The following SLC35D4 variants were observed in gnomAD, a reference collection of about 807,000 sequenced individuals.
SLC35D4 encodes the protein solute carrier family 35 member D4, also known as UDP-N-acetylglucosamine transporter SLC35D4.
chr18:23,393,556 A>T, the SLC35D4 span, among the ~76,000 whole-genome samples: 1 of 152,182 alleles, frequency 6.6e-6, no homozygotes, highest in Non-Finnish European at 1.5e-5. Context: ...CTCAAGGTTC[A>T]TCCATGTTGC....
chr18:23,330,345 T>C, the SLC35D4 span, among the ~76,000 whole-genome samples: 1 of 152,340 alleles, frequency 6.6e-6, no homozygotes, highest in Non-Finnish European at 1.5e-5. Context: ...AGCTTTTTTT[T>C]CATTTACTTT....
chr18:23,296,918 G>A, the SLC35D4 span: 5 of 152,104 alleles, frequency 3.3e-5, no homozygotes, highest in Non-Finnish European at 7.3e-5. Context: ...TAAGGACCAC[G>A]AGAAGTTTAG....
At chr18:23,435,073 G>A in the SLC35D4 span, among the ~76,000 whole-genome samples, 4 of 151,330 alleles carry the variant, frequency 2.6e-5, no homozygotes, top group African/African-American at 7.3e-5. Context: ...CACTAGAATC[G>A]CTTGAACCTG....
the SLC35D4 span, among the ~76,000 whole-genome samples, chr18:23,396,681 A>C: frequency 6.6e-6 from 1 of 152,102 alleles, no homozygotes; most frequent in South Asian, 2.1e-4. Context: ...CGGGAGGCTG[A>C]GGCAGGAGGA....
the SLC35D4 span, among the ~76,000 whole-genome samples, chr18:23,328,119 A>G: frequency 6.6e-6 from 1 of 152,208 alleles, no homozygotes. Context: ...CAAAAACTGG[A>G]AGCATTCCCT....
chr18:23,377,585 CA>C, the SLC35D4 span: 1 of 1,499,798 alleles, frequency 6.7e-7, no homozygotes, highest in Non-Finnish European at 9.0e-7. Context: ...GTTTATCATT[CA>C]AGTTAAAAAT....
the SLC35D4 span, among the ~76,000 whole-genome samples, chr18:23,436,325 G>A: frequency 6.1e-3 from 1 of 164 alleles, no homozygotes; most frequent in Non-Finnish European, 0.017. Flanking sequence ...ACCACGCCCG[G>A]GCCACAACAA....
At chr18:23,376,686 T>C in the SLC35D4 span, 3 of 434,146 alleles carry the variant, frequency 6.9e-6, no homozygotes, top group Non-Finnish European at 1.4e-5. Context: ...CTTTATAGAA[T>C]AGAGGATGCT....
the SLC35D4 span, among the ~76,000 whole-genome samples, chr18:23,346,180 G>T: frequency 1.3e-5 from 2 of 152,140 alleles, no homozygotes; most frequent in Non-Finnish European, 2.9e-5. Flanking sequence ...CTGTCACTCA[G>T]GCTGGAGTGC....
the SLC35D4 span, among the ~76,000 whole-genome samples, chr18:23,382,082 T>G: frequency 1.3e-5 from 2 of 151,134 alleles, no homozygotes; most frequent in African/African-American, 4.9e-5. Context: ...CTACTAAAAA[T>G]ACAAAAAATT....
chr18:23,432,235 A>T, the SLC35D4 span, among the ~76,000 whole-genome samples: 2 of 152,220 alleles, frequency 1.3e-5, no homozygotes, highest in African/African-American at 2.4e-5. Context: ...TTTGGCCTAC[A>T]TACTGGAGGA....
the SLC35D4 span, among the ~76,000 whole-genome samples, chr18:23,376,031 T>C: frequency 6.6e-6 from 1 of 152,144 alleles, no homozygotes; most frequent in Non-Finnish European, 1.5e-5. Context: ...AGGCAACATA[T>C]ATATAGTGCC....
chr18:23,318,638 C>T, the SLC35D4 span, among the ~76,000 whole-genome samples: 13 of 152,108 alleles, frequency 8.5e-5, no homozygotes, highest in Admixed American at 1.3e-4. Flanking sequence ...CATGATTTAT[C>T]CAAATTATGT....
At chr18:23,328,304 C>T in the SLC35D4 span, among the ~76,000 whole-genome samples, 2 of 152,082 alleles carry the variant, frequency 1.3e-5, no homozygotes, top group Non-Finnish European at 2.9e-5. Flanking sequence ...TTTAGAAAAC[C>T]CCATTGTCTC....
At chr18:23,248,253 C>A in the SLC35D4 span, among the ~76,000 whole-genome samples, 2 of 152,214 alleles carry the variant, frequency 1.3e-5, no homozygotes, top group African/African-American at 4.8e-5. Context: ...TTATGGGGAT[C>A]AGAAGCTCTT....
the SLC35D4 span, among the ~76,000 whole-genome samples, chr18:23,299,230 C>T: frequency 6.6e-6 from 1 of 152,202 alleles, no homozygotes; most frequent in Admixed American, 6.5e-5. Context: ...ATCTAACAGT[C>T]TCTGTGAGGC....
the SLC35D4 span, chr18:23,370,328 G>A: frequency 3.9e-6 from 6 of 1,538,736 alleles, no homozygotes; most frequent in South Asian, 7.1e-5. Flanking sequence ...GCCTGTCCGG[G>A]GACACACAAA....
chr18:23,336,492 C>T, the SLC35D4 span, among the ~76,000 whole-genome samples: 1 of 152,148 alleles, frequency 6.6e-6, no homozygotes, highest in Non-Finnish European at 1.5e-5. Context: ...AATTAGGGAA[C>T]AGCCATAATT....
At chr18:23,363,844 C>T in the SLC35D4 span, among the ~76,000 whole-genome samples, 1 of 152,134 alleles carries the variant, frequency 6.6e-6, no homozygotes, top group Non-Finnish European at 1.5e-5. Flanking sequence ...CTTCACAGGA[C>T]TTATTATTCC....
Sources: gnomAD v4.1 joint callset for allele counts (sites outside exome capture counted in the v4.1 genomes callset) on GRCh38, gnomAD v4.1.1 for gene constraint, MANE v1.5 for transcripts, NCBI Gene and HGNC (gene_info 2026-07-23, HGNC 2026-07-21) for gene names.